MTERF4: variants seen among roughly 807,000 people sequenced by gnomAD.
MTERF4 encodes transcription termination factor 4, mitochondrial.
MTERF4 carries 17 observed loss-of-function variants against 22.5 expected under a neutral mutation model. That is an observed-to-expected ratio of 0.75 (90% CI 0.52 to 1.13). The LOEUF (loss-of-function observed/expected upper bound fraction) is 1.13, where lower values mean the gene tolerates loss of function less well. Ranked by LOEUF, MTERF4 falls within the 50% of genes most tolerant of loss-of-function variation. The probability of loss-of-function intolerance (pLI) is 0.00; values close to 1 mark genes in which losing one functional copy is unlikely to be tolerated. For synonymous variants in MTERF4, 165 were observed against 175.3 expected, an observed-to-expected ratio of 0.94 and a Z score of 0.47; for missense variants, 420 against 466.8, an observed-to-expected ratio of 0.90 and a Z score of 0.92.
chr2:241,081,385 C>G (rs1282566963), intron 4 of MTERF4, among the ~76,000 whole-genome samples: 1 of 152,184 alleles, frequency 6.6e-6, no homozygotes, highest in Non-Finnish European at 1.5e-5. Flanking sequence ...GCTCCTCCCT[C>G]CCTCTCCCTC....
At chr2:241,097,919 TAAC>T (rs966806899) in intron 2 of MTERF4, among the ~76,000 whole-genome samples, 1 of 152,110 alleles carries the variant, frequency 6.6e-6, no homozygotes, top group African/African-American at 2.4e-5. Context: ...ATAACAGTAA[TAAC>T]AATAATAGTA....
At chr2:241,099,198 C>T in intron 2 of MTERF4, 198 bp downstream of exon 2, 4 of 584,852 alleles carry the variant, frequency 6.8e-6, no homozygotes, top group Admixed American at 3.3e-5. Context: ...CCTCAGCCTC[C>T]CAAGTAGCTG....
the MTERF4 span, chr2:241,063,831 C>A: frequency 5.0e-6 from 4 of 806,128 alleles, no homozygotes; most frequent in South Asian, 7.0e-5. Context: ...GCTGCGGCCA[C>A]CTTGGGAGGG....
At chr2:241,065,807 A>G in the MTERF4 span, among the ~76,000 whole-genome samples, 53 of 152,150 alleles carry the variant, frequency 3.5e-4, no homozygotes, top group African/African-American at 1.3e-3. Flanking sequence ...CAGGCATGGG[A>G]TTGGGGCGCA....
intron 2 of MTERF4, chr2:241,099,172 T>C (rs1000731706): frequency 4.0e-6 from 2 of 498,146 alleles, no homozygotes; most frequent in African/African-American, 1.9e-5. Flanking sequence ...CCTCCTGGGT[T>C]CAAGCGATTT....
Position 241,096,619 on chromosome 2 carries a change from C to A in MTERF4, c.706-181G>T. ...ACAGCCAGCAGTTTCAAAACACTTT[C>A]AAATTCATCCTGAGAAACATGGAGC... On this transcript the variant is annotated intron_variant, in intron 3 of 3. Coordinates refer to ENST00000391980, the MANE Select transcript of MTERF4 (RefSeq NM_182501.4). The surrounding 1 kb of genome is among the most constrained non-coding windows in gnomAD (Gnocchi z 5.1). The A allele has an allele frequency of 1.4e-5, 10 of 716,446 alleles. No individual in the cohort carries two copies. The highest frequency in any genetic ancestry group is 4.1e-5 in the Admixed American group (2 of 49,126). The allele number at this position is 716,446 out of a possible 1,614,324, so 44.4% of individuals were successfully genotyped here. A position where few individuals can be genotyped will look rare whatever the true frequency, so the allele number is the denominator to read the frequency against.
chr2:241,073,210 G>C lies in MTERF4; in HGVS notation n.2952C>G. 7.4e-7 allele frequency: 1 copy of C among 1,348,682 alleles called. No homozygotes were observed. Among genetic ancestry groups the C allele is most frequent in the Non-Finnish European group, 1.0e-6 (1 of 966,660 alleles). 83.5% of individuals were successfully genotyped at this position (1,348,682 alleles called of 1,614,324 possible). A position where few individuals can be genotyped will look rare whatever the true frequency, so the allele number is the denominator to read the frequency against. ...GAAGCACTCAAAAGGGTGGCCCCAGGACCATCCCGGGTGCAAAGCAGCTGC... is the reference window on the plus strand; with the variant it reads ...GAAGCACTCAAAAGGGTGGCCCCAGCACCATCCCGGGTGCAAAGCAGCTGC... On this transcript the variant is annotated non_coding_transcript_exon_variant, in exon 5 of 5. Transcript: ENST00000464344. This position sits in a 1 kb window ranked among gnomAD's most constrained non-coding sequence, Gnocchi z 6.6.
At chr2:241,065,631 C>G in the MTERF4 span, 1 of 1,591,392 alleles carries the variant, frequency 6.3e-7, no homozygotes, top group Non-Finnish European at 8.6e-7. Flanking sequence ...CCTGCCCAGC[C>G]CCTGCCCCTC....
intron 4 of MTERF4, among the ~76,000 whole-genome samples, chr2:241,079,773 G>A (rs2125294138): frequency 6.6e-6 from 1 of 152,268 alleles, no homozygotes; most frequent in South Asian, 2.1e-4. Context: ...ATTTTAATAA[G>A]AGTAGTCTGT....
the MTERF4 span, chr2:241,048,686 G>T: frequency 6.2e-7 from 1 of 1,611,582 alleles, no homozygotes. Flanking sequence ...TGTGAGTGCC[G>T]CAACGGAGGC....
At chr2:241,086,934 C>T (rs1575138618), downstream of MTERF4, among the ~76,000 whole-genome samples, 3 of 152,220 alleles carry the variant, frequency 2.0e-5, no homozygotes, top group East Asian at 5.8e-4. Flanking sequence ...ATGGAAGAGG[C>T]AGGAGATGAA....
chr2:241,070,078 C>G, downstream of MTERF4: 2 of 1,613,132 alleles, frequency 1.2e-6, no homozygotes, highest in Non-Finnish European at 1.7e-6. Context: ...CAACGGGAAG[C>G]TGGCGTCCTA....
the MTERF4 span, among the ~76,000 whole-genome samples, chr2:241,043,665 C>T: frequency 6.6e-6 from 1 of 152,100 alleles, no homozygotes; most frequent in African/African-American, 2.4e-5. Flanking sequence ...AACTTACATG[C>T]AGAAATAAAA....
At chr2:241,088,666 C>G (rs147147623), downstream of MTERF4, 1,927 of 488,870 alleles carry the variant, frequency 3.9e-3, 28 homozygotes, top group African/African-American at 0.033. Context: ...AAATCCCACT[C>G]TCTCTCAAGG....
downstream of MTERF4, among the ~76,000 whole-genome samples, chr2:241,084,671 A>T (rs560535133): frequency 6.6e-6 from 1 of 152,334 alleles, no homozygotes; most frequent in African/African-American, 2.4e-5. Flanking sequence ...AGATATTGAA[A>T]GTAAAGTATT....
the MTERF4 span, among the ~76,000 whole-genome samples, chr2:241,054,070 G>A: frequency 1.3e-5 from 2 of 152,008 alleles, no homozygotes; most frequent in Non-Finnish European, 2.9e-5. Context: ...AACCTGCGTG[G>A]TCTCAGGCGA....
chr2:241,059,887 C>T, the MTERF4 span, among the ~76,000 whole-genome samples: 2 of 152,132 alleles, frequency 1.3e-5, no homozygotes, highest in African/African-American at 4.8e-5. Flanking sequence ...CCAGCATTTT[C>T]CTGGAGGCCC....
downstream of MTERF4, among the ~76,000 whole-genome samples, chr2:241,084,744 G>T (rs1415580597): frequency 6.6e-6 from 1 of 152,056 alleles, no homozygotes; most frequent in Admixed American, 6.6e-5. Context: ...GTAGATCTAG[G>T]ATTCCATCTG....
intron 1 of MTERF4, among the ~76,000 whole-genome samples, chr2:241,101,387 G>A (rs1480963128): frequency 2.6e-5 from 4 of 152,246 alleles, no homozygotes; most frequent in African/African-American, 9.6e-5. Flanking sequence ...TGCCAGCGAA[G>A]GGAGCGGCTG....
Sources: allele counts gnomAD v4.1 joint callset (sites outside exome capture counted in the v4.1 genomes callset), GRCh38; gene constraint gnomAD v4.1.1; non-coding constraint Gnocchi (gnomAD v3.1); transcripts MANE v1.5; gene names NCBI Gene and HGNC (gene_info 2026-07-23, HGNC 2026-07-21).